Variants in SEMA3D observed in about 807,000 individuals in gnomAD.
The protein encoded by SEMA3D is semaphorin-3D.
Under a neutral mutation model 100.1 loss-of-function variants are expected in SEMA3D, and 84 were observed. The ratio of observed to expected loss-of-function variants is 0.84; its 90% CI spans 0.70 to 1.01. The LOEUF is 1.01. Ranked by LOEUF, SEMA3D falls within the 50% of genes least tolerant of loss-of-function variation. The pLI is 0.00. For missense variants in SEMA3D, 875 were observed against 934.1 expected (o/e 0.94, Z 0.82); for synonymous variants, 312 against 320.7 (o/e 0.97, Z 0.29).
chr7:85,244,367 A>G, the SEMA3D span, among the ~76,000 whole-genome samples: 1 of 152,314 alleles, frequency 6.6e-6, no homozygotes, highest in Non-Finnish European at 1.5e-5. Context: ...ATCTCCCACT[A>G]GTAATCCCCA....
rs189481306 is a variant in SEMA3D at position 85,159,914 on chromosome 7, G to A, written c.-172-6175C>T. 1.6e-3 allele frequency: 1,569 copies of A among 984,780 alleles called. 1 individual carries two copies. Among genetic ancestry groups the A allele is most frequent in the Non-Finnish European group, 1.8e-3 (1,479 of 829,400 alleles). The allele number at this position is 984,780 out of a possible 1,614,324, so 61.0% of individuals were successfully genotyped here. On this transcript the variant is annotated intron_variant, in intron 1 of 18. Transcript: ENST00000284136. ...AAAGATAGGAAAGAAGGAAGTGAAG[G>A]AAGAGAGAATGACCAACTAGTGTTC...
chr7:85,249,786 G>GA, the SEMA3D span, among the ~76,000 whole-genome samples: 55 of 152,160 alleles, frequency 3.6e-4, no homozygotes, highest in African/African-American at 1.0e-3. Flanking sequence ...TTCTCCCCCA[G>GA]AAAAAATTCT....
At chr7:85,142,778 T>C (rs556892912) in intron 2 of SEMA3D, 711 of 984,440 alleles carry the variant, frequency 7.2e-4, no homozygotes, top group Admixed American at 2.5e-3. Flanking sequence ...ACTAACCACA[T>C]GATGTGAATG....
intron 14 of SEMA3D, among the ~76,000 whole-genome samples, chr7:85,019,810 TA>T (rs1471106259): frequency 2.0e-5 from 3 of 151,656 alleles, no homozygotes; most frequent in Non-Finnish European, 3.0e-5. Context: ...GCAACCTATA[TA>T]TTTTTTTAAT....
At chr7:85,000,848 G>C (rs945154139) in intron 18 of SEMA3D, among the ~76,000 whole-genome samples, 12 of 152,250 alleles carry the variant, frequency 7.9e-5, no homozygotes, top group Middle Eastern at 3.4e-3. Flanking sequence ...GCTTAATGTG[G>C]AGTATTGTTG....
At chr7:85,221,635 A>G in the SEMA3D span, among the ~76,000 whole-genome samples, 8 of 152,238 alleles carry the variant, frequency 5.3e-5, no homozygotes, top group African/African-American at 1.9e-4. Context: ...AGTCACTCAC[A>G]TGAATCATAC....
chr7:85,203,306 G>A, the SEMA3D span, among the ~76,000 whole-genome samples: 1 of 152,274 alleles, frequency 6.6e-6, no homozygotes, highest in East Asian at 1.9e-4. Flanking sequence ...ATGCTTAGCT[G>A]CATGTGTTTA....
chr7:85,087,767 C>T (rs543352777), intron 4 of SEMA3D, among the ~76,000 whole-genome samples: 1 of 152,192 alleles, frequency 6.6e-6, no homozygotes, highest in South Asian at 2.1e-4. Context: ...TATAGTATTT[C>T]ACAATTGATT....
intron 3 of SEMA3D, among the ~76,000 whole-genome samples, chr7:85,100,258 A>G (rs1226976813): frequency 1.3e-5 from 2 of 151,784 alleles, no homozygotes; most frequent in African/African-American, 2.4e-5. Flanking sequence ...AAAGTTACAA[A>G]ACTACGTAGC....
At chr7:85,011,940 T>C (rs1026301282) in intron 17 of SEMA3D, among the ~76,000 whole-genome samples, 2 of 151,666 alleles carry the variant, frequency 1.3e-5, no homozygotes, top group Admixed American at 6.6e-5. Flanking sequence ...CACCTGTTCG[T>C]GTGTGTGTGC....
chr7:85,183,720 G>A (rs1295773417), intron 1 of SEMA3D, among the ~76,000 whole-genome samples: 1 of 152,188 alleles, frequency 6.6e-6, no homozygotes, highest in African/African-American at 2.4e-5. Flanking sequence ...TTTATCGTTA[G>A]TTTCTGCTAG....
At chr7:85,053,106 G>A (rs1026214598) in intron 9 of SEMA3D, among the ~76,000 whole-genome samples, 1 of 151,920 alleles carries the variant, frequency 6.6e-6, no homozygotes, top group African/African-American at 2.4e-5. Flanking sequence ...TGAAAAATGA[G>A]AACAAATGAA....
At chr7:85,114,246 G>A (rs1354451293) in intron 3 of SEMA3D, among the ~76,000 whole-genome samples, 1 of 152,192 alleles carries the variant, frequency 6.6e-6, no homozygotes, top group Non-Finnish European at 1.5e-5. Context: ...CAGGAAAAGA[G>A]TTTTAAAAGG....
chr7:85,142,706 C>G, intron 2 of SEMA3D: 1 of 974,788 alleles, frequency 1.0e-6, no homozygotes, highest in Non-Finnish European at 1.2e-6. Flanking sequence ...TGTCTAAAAA[C>G]CCCATCAATG....
chr7:85,190,730 A>T (rs557494142), upstream of SEMA3D, among the ~76,000 whole-genome samples: 2 of 152,280 alleles, frequency 1.3e-5, no homozygotes, highest in South Asian at 4.1e-4. Flanking sequence ...CCTGCTTCTC[A>T]TCATCAGATA....
chr7:85,013,489 A>G (rs1790014787), intron 16 of SEMA3D, among the ~76,000 whole-genome samples: 1 of 151,774 alleles, frequency 6.6e-6, no homozygotes, highest in South Asian at 2.1e-4. Context: ...TATTTTCCTT[A>G]AAAGAAAGGA....
At chr7:85,029,184 G>C (rs776586344) in intron 12 of SEMA3D, 3 of 676,188 alleles carry the variant, frequency 4.4e-6, no homozygotes, top group Non-Finnish European at 8.3e-6. Flanking sequence ...GCTCACAGGC[G>C]TACCTCCTGC....
chr7:85,016,998 T>C (rs1790123152), intron 15 of SEMA3D, among the ~76,000 whole-genome samples: 1 of 151,678 alleles, frequency 6.6e-6, no homozygotes, highest in African/African-American at 2.4e-5. Context: ...TGCCTAATCT[T>C]GTTCTGTCTT....
Position 84,999,790 on chromosome 7 carries a change from T to C in SEMA3D, c.1984A>G (p.Met662Val), listed in dbSNP as rs2115697669. The C allele has an allele frequency of 6.2e-7, 1 of 1,614,038 alleles. No homozygotes were observed. Among genetic ancestry groups the C allele is most frequent in the Middle Eastern group, 1.6e-4 (1 of 6,062 alleles). ...IRSLQKKDSG[M>V]YYCKAQEHTF... The stretch of plus-strand genomic sequence containing the variant: ...TGCTCCTGGGCTTTGCAGTAATACA[T>C]CCCAGAATCCTTCTTCTGCAAACTT... Residue 662 changes from methionine to valine, a missense_variant, in exon 19 of 19, where the codon ATG (methionine) becomes GTG (valine). Transcript: ENST00000284136.
Sources: gnomAD v4.1 joint callset for allele counts (sites outside exome capture counted in the v4.1 genomes callset) on GRCh38, gnomAD v4.1.1 for gene constraint, MANE v1.5 for transcripts, NCBI Gene and HGNC (gene_info 2026-07-23, HGNC 2026-07-21) for gene names.